SLC4A1AP: variants seen among roughly 807,000 people sequenced by gnomAD.
SLC4A1AP encodes kanadaptin.
Under a neutral mutation model 89.7 loss-of-function variants are expected in SLC4A1AP, and 64 were observed. The observed-to-expected ratio is 0.71, with a 90% CI of 0.58 to 0.88. The LOEUF (loss-of-function observed/expected upper bound fraction) is 0.88. SLC4A1AP is among the 40% of genes least tolerant of loss of function. The pLI, the probability that SLC4A1AP is intolerant of heterozygous loss-of-function variation, is 0.00. For synonymous variants in SLC4A1AP, 366 were observed against 353.3 expected (o/e 1.04, Z -0.40); for missense variants, 931 against 965.0 (o/e 0.96, Z 0.47).
exon 10 of SLC4A1AP, chr2:27,685,083 T>C (rs778928817): frequency 3.7e-6 from 6 of 1,613,334 alleles, no homozygotes; most frequent in Non-Finnish European, 4.2e-6. Context: ...CTAATGAGAA[T>C]GAAAGATGAG....
chr2:27,673,400 TTCCCTCCCTCCCTCCCTCCCTCCC>T lies in SLC4A1AP; in HGVS notation c.1346-2110_1346-2087del, dbSNP rs779737001. On this transcript the variant is annotated intron_variant, in intron 5 of 13. Coordinates refer to ENST00000613058, the Ensembl canonical transcript of SLC4A1AP. ...CTTTTTTCCTTTCCTTTCCCTTACT[TTCCCTCCCTCCCTCCCTCCCTCCC>T]TCCCTCCCTCCCTCCCTCCCTTCCT... Among the ~76,000 whole-genome samples the T allele has an allele frequency of 1.2e-3, 38 of 31,758 alleles. 1 individual carries two copies. The highest frequency in any genetic ancestry group is 0.019 in the Middle Eastern group (1 of 52). The allele number at this position is 31,758 out of a possible 152,430, so 20.8% of individuals were successfully genotyped here. A position where few individuals can be genotyped will look rare whatever the true frequency, so the allele number is the denominator to read the frequency against.
intron 9 of SLC4A1AP, among the ~76,000 whole-genome samples, chr2:27,682,770 C>A (rs1675641979): frequency 6.6e-6 from 1 of 152,130 alleles, no homozygotes; most frequent in African/African-American, 2.4e-5. Flanking sequence ...GATCCACCTG[C>A]CTTGGCCTCC....
intron 8 of SLC4A1AP, among the ~76,000 whole-genome samples, chr2:27,680,449 A>G (rs1277907235): frequency 6.6e-6 from 1 of 152,176 alleles, no homozygotes; most frequent in Non-Finnish European, 1.5e-5. Context: ...ATAACTGGAA[A>G]AAGTAAGAAT....
At chr2:27,671,640 C>A (rs1572990298) in intron 5 of SLC4A1AP, among the ~76,000 whole-genome samples, 1 of 152,184 alleles carries the variant, frequency 6.6e-6, no homozygotes, top group East Asian at 1.9e-4. Flanking sequence ...TTTCTTTGTC[C>A]TTTCTCCAGG....
At chr2:27,664,361 C>T in exon 1 of SLC4A1AP, 1 of 1,614,200 alleles carries the variant, frequency 6.2e-7, no homozygotes. Flanking sequence ...GCCTGGAGCA[C>T]CCTTCGGTGT....
intron 3 of SLC4A1AP, among the ~76,000 whole-genome samples, chr2:27,667,979 T>G (rs1229313734): frequency 1.3e-5 from 2 of 152,138 alleles, no homozygotes; most frequent in Non-Finnish European, 2.9e-5. Flanking sequence ...CTTATAAAAG[T>G]GAAACATACT....
chr2:27,670,926 T>TC (rs1402631467), intron 5 of SLC4A1AP, among the ~76,000 whole-genome samples: 14 of 144,188 alleles, frequency 9.7e-5, no homozygotes, highest in East Asian at 8.0e-4. Context: ...TCTTTTCTTT[T>TC]TTTTTTTTTT....
rs1050705879 is a variant in SLC4A1AP at position 27,664,690 on chromosome 2, G to T, written c.825+113G>T. 6 of 810,988 alleles carry T rather than the reference G, an allele frequency of 7.4e-6. No homozygotes were observed. The African/African-American group carries it at 8.6e-5, about 12-fold the overall frequency. 50.2% of individuals were successfully genotyped at this position (810,988 alleles called of 1,614,324 possible). On this transcript the variant is annotated intron_variant, in intron 1 of 13. Coordinates refer to ENST00000613058, the Ensembl canonical transcript of SLC4A1AP. ...CCCACTCAGCGATTACGAAAGTGAA[G>T]GAATCAAGTCTGGCCTATCATCTTC...
Position 27,673,990 on chromosome 2 carries a change from TTGTGTGTGTGTGTGTG to T in SLC4A1AP, c.1346-1516_1346-1501del, listed in dbSNP as rs56759152. Among the ~76,000 whole-genome samples, 134 of 148,398 alleles carry T rather than the reference TTGTGTGTGTGTGTGTG, an allele frequency of 9.0e-4. 1 individual carries two copies. Among genetic ancestry groups the T allele is most frequent in the Admixed American group, 1.3e-3 (19 of 14,850 alleles). ...TCAGCATCACCAGGACATATACAAG[TTGTGTGTGTGTGTGTG>T]TGTGTGTGTGTGTGTGTGTGTGTGT... On this transcript the variant is annotated intron_variant, in intron 5 of 13. Transcript: ENST00000613058.
At chr2:27,664,991 A>G in intron 1 of SLC4A1AP, 109 bp from the exon 2 acceptor site, 2 of 782,632 alleles carry the variant, frequency 2.6e-6, no homozygotes, top group East Asian at 2.7e-5. Context: ...CAGGAGGTCA[A>G]GGCTGCAGTG....
At chr2:27,668,389 A>T (rs920101703) in intron 3 of SLC4A1AP, among the ~76,000 whole-genome samples, 1 of 151,998 alleles carries the variant, frequency 6.6e-6, no homozygotes, top group African/African-American at 2.4e-5. Flanking sequence ...TGACCTCGTG[A>T]TCCTCCCATC....
At chr2:27,691,964 TTTCTC>T (rs1362105394) in intron 12 of SLC4A1AP, 2 of 151,230 alleles carry the variant, frequency 1.3e-5, no homozygotes, top group African/African-American at 4.9e-5. Flanking sequence ...CTTTCAGACT[TTTCTC>T]TCTCTCTCTC....
chr2:27,669,012 A>G (rs1675379045), intron 4 of SLC4A1AP, 109 bp downstream of exon 4: 1 of 1,199,526 alleles, frequency 8.3e-7, no homozygotes, highest in Admixed American at 2.1e-5. Flanking sequence ...AGTTTAAGCT[A>G]TTTCTAAATT....
At chr2:27,688,114 A>G (rs1046081224) in intron 11 of SLC4A1AP, 94 bp downstream of exon 11, 13 of 962,590 alleles carry the variant, frequency 1.4e-5, no homozygotes, top group Non-Finnish European at 2.1e-5. Flanking sequence ...AAGGCAGCAC[A>G]GAGAATGGTC....
chr2:27,681,138 C>A (rs1452004806), intron 8 of SLC4A1AP, among the ~76,000 whole-genome samples: 1 of 152,192 alleles, frequency 6.6e-6, no homozygotes, highest in African/African-American at 2.4e-5. Flanking sequence ...CTGAAAACAT[C>A]TGTGTTGCTG....
chr2:27,686,186 G>T (rs1330803907), intron 10 of SLC4A1AP, among the ~76,000 whole-genome samples: 1 of 152,206 alleles, frequency 6.6e-6, no homozygotes, highest in Non-Finnish European at 1.5e-5. Flanking sequence ...AAAACTCCAG[G>T]CCTGGTATGT....
chr2:27,668,609 C>T, intron 3 of SLC4A1AP: 1 of 664,944 alleles, frequency 1.5e-6, no homozygotes, highest in Non-Finnish European at 2.8e-6. Flanking sequence ...ACCATCATGC[C>T]CGGCTAATTT....
At chr2:27,669,160 A>G in intron 4 of SLC4A1AP, 88 bp from the exon 5 acceptor site, 1 of 1,412,450 alleles carries the variant, frequency 7.1e-7, no homozygotes, top group Non-Finnish European at 9.6e-7. Flanking sequence ...CCATCTAAAA[A>G]AAAAATGACT....
exon 11 of SLC4A1AP, chr2:27,687,960 G>A: frequency 6.2e-7 from 1 of 1,613,686 alleles, no homozygotes; most frequent in Non-Finnish European, 8.5e-7. Context: ...TAGCGAGGAA[G>A]AACAGAATAA....
Sources: gnomAD v4.1 joint callset for allele counts (sites outside exome capture counted in the v4.1 genomes callset) on GRCh38, gnomAD v4.1.1 for gene constraint, MANE v1.5 for transcripts, NCBI Gene and HGNC (gene_info 2026-07-23, HGNC 2026-07-21) for gene names.